Variants in FBXO4 observed in about 807,000 individuals in gnomAD.
The protein encoded by FBXO4 is F-box only protein 4.
In FBXO4, 36 loss-of-function variants were observed where a neutral mutation model predicts 43.7. The observed-to-expected ratio is 0.82, with a 90% CI of 0.63 to 1.09. The LOEUF (loss-of-function observed/expected upper bound fraction) is 1.09, where lower values mean the gene tolerates loss of function less well. FBXO4 is among the 50% of genes least tolerant of loss of function. The probability of loss-of-function intolerance (pLI) is 0.00; values close to 1 mark genes in which losing one functional copy is unlikely to be tolerated. For missense variants in FBXO4, 435 were observed against 474.1 expected, an observed-to-expected ratio of 0.92 and a Z score of 0.77; for synonymous variants, 180 against 165.6, an observed-to-expected ratio of 1.09 and a Z score of -0.67.
chr5:41,957,068 A>G, the FBXO4 span, among the ~76,000 whole-genome samples: 6 of 152,074 alleles, frequency 3.9e-5, no homozygotes, highest in African/African-American at 9.7e-5. Context: ...GGCTCTCACC[A>G]TGATGGAGTG....
At chr5:42,018,193 T>C in the FBXO4 span, among the ~76,000 whole-genome samples, 2 of 150,026 alleles carry the variant, frequency 1.3e-5, no homozygotes, top group South Asian at 4.2e-4. Context: ...TGTGTAATAT[T>C]ATATGTATTA....
At chr5:41,975,546 T>G in the FBXO4 span, among the ~76,000 whole-genome samples, 3 of 152,228 alleles carry the variant, frequency 2.0e-5, no homozygotes, top group African/African-American at 7.2e-5. Flanking sequence ...TTACTAATCT[T>G]ATCTTACAGA....
At chr5:41,998,391 G>A in the FBXO4 span, among the ~76,000 whole-genome samples, 3 of 152,182 alleles carry the variant, frequency 2.0e-5, no homozygotes, top group African/African-American at 7.2e-5. Flanking sequence ...GCGGGGATGA[G>A]TAGGTCTAAA....
the FBXO4 span, among the ~76,000 whole-genome samples, chr5:42,022,902 A>C: frequency 6.6e-6 from 1 of 152,132 alleles, no homozygotes; most frequent in African/African-American, 2.4e-5. Flanking sequence ...GAACATAAGC[A>C]AGCAAGAAAG....
the FBXO4 span, among the ~76,000 whole-genome samples, chr5:41,950,350 C>T: frequency 6.6e-6 from 1 of 151,844 alleles, no homozygotes; most frequent in Admixed American, 6.6e-5. Context: ...TCTACAAAGA[C>T]CTTAGACAAA....
At chr5:42,027,209 C>G in the FBXO4 span, among the ~76,000 whole-genome samples, 1 of 151,758 alleles carries the variant, frequency 6.6e-6, no homozygotes, top group Non-Finnish European at 1.5e-5. Flanking sequence ...CTTTTTATTA[C>G]AGCTTTGATC....
chr5:41,973,572 T>A, the FBXO4 span, among the ~76,000 whole-genome samples: 1 of 152,110 alleles, frequency 6.6e-6, no homozygotes, highest in African/African-American at 2.4e-5. Flanking sequence ...TCCCAGCTAC[T>A]CAGGAGGCTG....
At chr5:42,039,616 C>T in the FBXO4 span, among the ~76,000 whole-genome samples, 1 of 152,092 alleles carries the variant, frequency 6.6e-6, no homozygotes, top group African/African-American at 2.4e-5. Context: ...AAATACATCA[C>T]AGCCTTTTGT....
At chr5:41,953,581 C>T in the FBXO4 span, among the ~76,000 whole-genome samples, 1 of 150,398 alleles carries the variant, frequency 6.6e-6, no homozygotes, top group Non-Finnish European at 1.5e-5. Flanking sequence ...CACTGACTTC[C>T]ACAATGGTTG....
At chr5:41,998,864 C>T in the FBXO4 span, among the ~76,000 whole-genome samples, 1 of 151,988 alleles carries the variant, frequency 6.6e-6, no homozygotes, top group Non-Finnish European at 1.5e-5. Flanking sequence ...GGAGATAAGA[C>T]TCTCACTCAG....
Position 41,938,853 on chromosome 5 carries a change from C to T in FBXO4, c.899-588C>T, listed in dbSNP as rs1018477060. ...GTCACCTATATTCCTTCCCATGTGA[C>T]TCCCTCCATCTTCCAATCCAGCAAT... On this transcript the variant is annotated intron_variant, in intron 5 of 6. Coordinates refer to ENST00000281623, the MANE Select transcript of FBXO4 (RefSeq NM_012176.3). 5.9e-5 allele frequency among the ~76,000 whole-genome samples: 9 copies of T among 152,352 alleles called. No homozygotes were observed. In the East Asian group the frequency reaches 1.7e-3, roughly 29 times the overall value.
chr5:42,029,748 A>G, the FBXO4 span, among the ~76,000 whole-genome samples: 2 of 151,972 alleles, frequency 1.3e-5, no homozygotes, highest in African/African-American at 4.8e-5. Context: ...TGACTCTGAT[A>G]CATTCTTCAG....
the FBXO4 span, among the ~76,000 whole-genome samples, chr5:42,003,669 T>A: frequency 2.7e-5 from 2 of 74,632 alleles, no homozygotes; most frequent in Non-Finnish European, 5.0e-5. Context: ...TCCCTCCCCC[T>A]CCCCCCACCC....
At position 41,939,444 on chromosome 5, in the gene FBXO4, A is replaced by G. The variant is rs930287583; in HGVS notation, c.902A>G (p.His301Arg). The G allele has an allele frequency of 6.2e-7, 1 of 1,608,484 alleles. No homozygotes were observed. Among genetic ancestry groups the G allele is most frequent in the South Asian group, 1.1e-5 (1 of 90,078 alleles). The change falls in exon 6 of 7, where the codon CAT becomes CGT. Residue 301 changes from histidine (H) to arginine (R), a missense_variant. Coordinates refer to ENST00000281623, the MANE Select transcript of FBXO4 (RefSeq NM_012176.3). ...YVANAEAHKR[H>R]EWQDEFSHIM... is the part of the protein sequence containing the mutation. ...GGTTTTGACTTACATTCCTTAGGAC[A>G]TGAATGGCAAGATGAATTTTCTCAT...
At chr5:41,944,556 T>G (rs1752050055), downstream of FBXO4, among the ~76,000 whole-genome samples, 2 of 152,194 alleles carry the variant, frequency 1.3e-5, 1 homozygote, top group South Asian at 4.1e-4. Flanking sequence ...TACTCATAAA[T>G]TATTCCTAAA....
At chr5:41,991,869 G>A in the FBXO4 span, among the ~76,000 whole-genome samples, 1 of 152,132 alleles carries the variant, frequency 6.6e-6, no homozygotes, top group Non-Finnish European at 1.5e-5. Flanking sequence ...ACCCCAGGTC[G>A]GGATTTCGAG....
At chr5:41,927,280 G>A (rs915033571) in intron 2 of FBXO4, 32 bp downstream of exon 2, 12 of 1,483,698 alleles carry the variant, frequency 8.1e-6, no homozygotes, top group Non-Finnish European at 5.5e-6. Flanking sequence ...TTAAAAAGAA[G>A]CTATTAAATT....
At chr5:41,984,191 C>T in the FBXO4 span, among the ~76,000 whole-genome samples, 4 of 152,012 alleles carry the variant, frequency 2.6e-5, no homozygotes, top group African/African-American at 7.3e-5. Context: ...CAATCAGCTT[C>T]CTGTCAATTT....
chr5:41,933,678 G>C (rs1751760326), intron 3 of FBXO4, among the ~76,000 whole-genome samples: 2 of 152,180 alleles, frequency 1.3e-5, no homozygotes, highest in Non-Finnish European at 2.9e-5. Flanking sequence ...CTACTGATAA[G>C]ATGATAAAGT....
Sources: gnomAD v4.1 joint callset for allele counts (sites outside exome capture counted in the v4.1 genomes callset) on GRCh38, gnomAD v4.1.1 for gene constraint, MANE v1.5 for transcripts, NCBI Gene and HGNC (gene_info 2026-07-23, HGNC 2026-07-21) for gene names.